The following TMEM163 variants were observed in gnomAD, a reference collection of about 807,000 sequenced individuals.
TMEM163 encodes the protein transmembrane protein 163.
In TMEM163, 17 loss-of-function variants were observed where a neutral mutation model predicts 29.3. The observed-to-expected ratio is 0.58, with a 90% CI of 0.40 to 0.87. The LOEUF (loss-of-function observed/expected upper bound fraction) is 0.87. Among genes scored for constraint, TMEM163 ranks in the 40% least tolerant of loss-of-function variants. The pLI, the probability that TMEM163 is intolerant of heterozygous loss-of-function variation, is 0.00. For synonymous variants in TMEM163, 157 were observed against 160.6 expected, an observed-to-expected ratio of 0.98 and a Z score of 0.17; for missense variants, 303 against 381.5, an observed-to-expected ratio of 0.79 and a Z score of 1.71.
intron 4 of TMEM163, among the ~76,000 whole-genome samples, chr2:134,525,222 T>C (rs528568886): frequency 1.2e-3 from 189 of 152,356 alleles, no homozygotes; most frequent in African/African-American, 4.3e-3. Flanking sequence ...TTGCAACATC[T>C]GCATCACCTG....
chr2:134,516,732 C>CATATCTATTCAT (rs1680074520), intron 4 of TMEM163, among the ~76,000 whole-genome samples: 2 of 123,570 alleles, frequency 1.6e-5, no homozygotes, highest in African/African-American at 5.9e-5. Flanking sequence ...CATATATATG[C>CATATCTATTCAT]ATATATATGC....
At chr2:134,516,290 G>A (rs1271798069) in intron 4 of TMEM163, among the ~76,000 whole-genome samples, 1 of 152,156 alleles carries the variant, frequency 6.6e-6, no homozygotes, top group African/African-American at 2.4e-5. Flanking sequence ...GCCAGGCACA[G>A]TGGCTCACAC....
chr2:134,513,696 G>T (rs1679996929), intron 4 of TMEM163, among the ~76,000 whole-genome samples: 1 of 152,128 alleles, frequency 6.6e-6, no homozygotes, highest in African/African-American at 2.4e-5. Flanking sequence ...CCGCTTCATG[G>T]GTAATGGGCC....
intron 2 of TMEM163, among the ~76,000 whole-genome samples, chr2:134,635,543 G>A (rs1039696557): frequency 7.9e-5 from 12 of 152,092 alleles, no homozygotes; most frequent in African/African-American, 1.4e-4. Flanking sequence ...ATTCGATGCC[G>A]CTAGAGTCCT....
intron 5 of TMEM163, among the ~76,000 whole-genome samples, chr2:134,473,785 T>A (rs1479211453): frequency 6.6e-6 from 1 of 152,062 alleles, no homozygotes; most frequent in African/African-American, 2.4e-5. Flanking sequence ...ATTTGACAAC[T>A]TAGAAGAAAT....
chr2:134,458,223 A>G, intron 6 of TMEM163, 50 bp from the exon 7 acceptor site: 2 of 1,606,452 alleles, frequency 1.2e-6, no homozygotes, highest in Non-Finnish European at 8.5e-7. Context: ...GCAATCCAAG[A>G]AAATCACCCA....
chr2:134,596,544 C>G (rs551463653), intron 2 of TMEM163, among the ~76,000 whole-genome samples: 2 of 152,124 alleles, frequency 1.3e-5, no homozygotes, highest in Non-Finnish European at 1.5e-5. Flanking sequence ...AGTCAGATAG[C>G]GTGATGCCTC....
intron 4 of TMEM163, among the ~76,000 whole-genome samples, chr2:134,546,180 T>C (rs1025078045): frequency 1.3e-5 from 2 of 152,198 alleles, no homozygotes; most frequent in East Asian, 3.9e-4. Context: ...AGAACTGCCA[T>C]AGGATCCAGC....
rs113618880 is a variant in TMEM163, at chr2:134,476,824, C to A, written c.556-10599G>T. The stretch of plus-strand genomic sequence containing the variant: ...CTTTTCCTGACAGCCCATCAGTGTT[C>A]TCACTGACCCTGTAGTATGGCCTGC... On this transcript the variant is annotated intron_variant, in intron 5 of 7. Coordinates refer to ENST00000281924, the MANE Select transcript of TMEM163 (RefSeq NM_030923.5). 2.2e-4 allele frequency among the ~76,000 whole-genome samples: 34 copies of A among 152,322 alleles called. 3 individuals are homozygous for A. Among genetic ancestry groups the A allele is most frequent in the African/African-American group, 8.2e-4 (34 of 41,580 alleles).
intron 2 of TMEM163, among the ~76,000 whole-genome samples, chr2:134,601,205 T>C (rs927451716): frequency 1.3e-5 from 2 of 152,200 alleles, no homozygotes; most frequent in African/African-American, 4.8e-5. Flanking sequence ...TTTCTTCTGA[T>C]TTTAAAAGAA....
Position 134,479,574 on chromosome 2 carries a change from G to T in TMEM163, c.556-13349C>A, listed in dbSNP as rs944996935. Among the ~76,000 whole-genome samples the T allele has an allele frequency of 3.3e-5, 5 of 152,264 alleles. 2 individuals carry two copies. ...CACACATCCCTGGGGCCCCAAATCT[G>T]ACCCCCACAGATAAGGGCGAGCATC... On this transcript the variant is annotated intron_variant, in intron 5 of 7. Transcript: ENST00000281924.
intron 5 of TMEM163, among the ~76,000 whole-genome samples, chr2:134,484,553 A>G (rs892258581): frequency 6.6e-6 from 1 of 152,198 alleles, no homozygotes; most frequent in Non-Finnish European, 1.5e-5. Flanking sequence ...ATGTGCCTGT[A>G]GTCCCAGCTA....
At chr2:134,598,984 C>G (rs1166165560) in intron 2 of TMEM163, among the ~76,000 whole-genome samples, 1 of 133,814 alleles carries the variant, frequency 7.5e-6, no homozygotes, top group Non-Finnish European at 1.6e-5. Context: ...GGATTAAATG[C>G]TTTGAAAGGA....
intron 4 of TMEM163, among the ~76,000 whole-genome samples, chr2:134,531,088 C>T (rs1334909380): frequency 2.0e-5 from 3 of 152,064 alleles, no homozygotes; most frequent in Admixed American, 6.6e-5. Context: ...TTTTACTTTG[C>T]CCCCTTTTAA....
chr2:134,533,836 A>G (rs558158021), intron 4 of TMEM163, among the ~76,000 whole-genome samples: 2 of 152,038 alleles, frequency 1.3e-5, no homozygotes, highest in Non-Finnish European at 2.9e-5. Context: ...TTTTAAACAC[A>G]CCACGCTGGT....
rs1363902636 is a variant in TMEM163 at position 134,683,438 on chromosome 2, AAAG to A, written c.322+29759_322+29761del. The stretch of plus-strand genomic sequence containing the variant: ...AAAGTCTTTAATTTAAAAAAAAAAA[AAAG>A]AAAAGAAAATGGAAACCTAAACTAA... On this transcript the variant is annotated intron_variant, in intron 2 of 7. Coordinates refer to ENST00000281924, the MANE Select transcript of TMEM163 (RefSeq NM_030923.5). 3.3e-5 allele frequency among the ~76,000 whole-genome samples: 5 copies of A among 152,238 alleles called. No individual in the cohort carries two copies. The East Asian group carries it at 9.6e-4, about 29-fold the overall frequency.
At chr2:134,477,821 CCA>C (rs1042363763) in intron 5 of TMEM163, among the ~76,000 whole-genome samples, 4 of 152,120 alleles carry the variant, frequency 2.6e-5, no homozygotes, top group African/African-American at 9.7e-5. Flanking sequence ...CCCTCCCATC[CCA>C]CAGAGTGGTG....
chr2:134,519,847 G>A (rs551265868), intron 4 of TMEM163, among the ~76,000 whole-genome samples: 11 of 145,646 alleles, frequency 7.6e-5, no homozygotes, highest in African/African-American at 1.3e-4. Flanking sequence ...CCGAGATGGC[G>A]CCACTGCACT....
chr2:134,620,051 A>G (rs886213071), intron 2 of TMEM163, among the ~76,000 whole-genome samples: 1 of 152,208 alleles, frequency 6.6e-6, no homozygotes, highest in African/African-American at 2.4e-5. Context: ...AATTCTTTAC[A>G]TCCAGTAACA....
Sources: allele counts gnomAD v4.1 joint callset (sites outside exome capture counted in the v4.1 genomes callset), GRCh38; gene constraint gnomAD v4.1.1; transcripts MANE v1.5; gene names NCBI Gene and HGNC (gene_info 2026-07-23, HGNC 2026-07-21).